The following RAG1 variants were observed in gnomAD, a reference collection of about 807,000 sequenced individuals.
RAG1 encodes the protein V(D)J recombination-activating protein 1.
In RAG1, 35 loss-of-function variants were observed where a neutral mutation model predicts 62.7. The observed-to-expected ratio is 0.56, with a 90% confidence interval of 0.43 to 0.74. The LOEUF is 0.74. Among genes scored for constraint, RAG1 ranks in the 30% least tolerant of loss-of-function variants. The probability of loss-of-function intolerance (pLI) is 0.00; values close to 1 mark genes in which losing one functional copy is unlikely to be tolerated. For missense variants in RAG1, 1,169 were observed against 1,278.6 expected, an observed-to-expected ratio of 0.91 and a Z score of 1.31; for synonymous variants, 461 against 470.3, an observed-to-expected ratio of 0.98 and a Z score of 0.26.
At chr11:36,510,744 G>T (rs1859906310) in exon 1 of RAG1, 1 of 152,250 alleles carries the variant, frequency 6.6e-6, no homozygotes, top group Admixed American at 6.5e-5. Context: ...GTCCAAGGGA[G>T]TCAGCCCTTG....
intron 1 of RAG1, among the ~76,000 whole-genome samples, chr11:36,570,992 T>C (rs1446472745): frequency 1.3e-5 from 2 of 152,356 alleles, no homozygotes; most frequent in Non-Finnish European, 2.9e-5. Context: ...CTTTGTGGAT[T>C]GTTTACTTTG....
At chr11:36,541,942 T>G (rs144636681) in intron 3 of RAG1, among the ~76,000 whole-genome samples, 22 of 152,216 alleles carry the variant, frequency 1.4e-4, no homozygotes, top group African/African-American at 5.1e-4. Flanking sequence ...GGGAAGATTG[T>G]GACCCCATAG....
downstream of RAG1, among the ~76,000 whole-genome samples, chr11:36,538,565 A>AT (rs1316697147): frequency 6.6e-6 from 1 of 152,206 alleles, no homozygotes; most frequent in African/African-American, 2.4e-5. Context: ...GGTAAAACAA[A>AT]TACATGTTCA....
chr11:36,538,930 T>G (rs983324053), downstream of RAG1, among the ~76,000 whole-genome samples: 2 of 152,186 alleles, frequency 1.3e-5, no homozygotes, highest in African/African-American at 4.8e-5. Context: ...AATTCAATCA[T>G]TAATGCACTT....
At chr11:36,567,853 C>G (rs1219969686), upstream of RAG1, among the ~76,000 whole-genome samples, 1 of 152,220 alleles carries the variant, frequency 6.6e-6, no homozygotes, top group Non-Finnish European at 1.5e-5. Flanking sequence ...CACTCAGGCC[C>G]CCCTGAGCTA....
Position 36,541,993 on chromosome 11 carries a change from AGGGGAT to A in RAG1, c.-412+5960_-412+5965del, listed in dbSNP as rs759059754. Among the ~76,000 whole-genome samples, 62 of 152,186 alleles carry A rather than the reference AGGGGAT, an allele frequency of 4.1e-4. 1 individual carries two copies. In the Middle Eastern group the frequency reaches 0.01, roughly 25 times the overall value. On this transcript the variant is annotated intron_variant and NMD_transcript_variant, in intron 3 of 9. Transcript: ENST00000534663. The stretch of plus-strand genomic sequence containing the variant: ...GAGCAGTGGGAGGGACCTGCGCACT[AGGGGAT>A]AAATTGCTTGTTGAAACTGTGCTGG...
intron 3 of RAG1, among the ~76,000 whole-genome samples, chr11:36,558,856 T>G (rs1257535096): frequency 1.3e-5 from 2 of 152,232 alleles, no homozygotes; most frequent in African/African-American, 4.8e-5. Flanking sequence ...CTTTATCTCT[T>G]ACTGTTTATC....
At chr11:36,566,085 G>T (rs1850657632), upstream of RAG1, among the ~76,000 whole-genome samples, 1 of 152,032 alleles carries the variant, frequency 6.6e-6, no homozygotes, top group Admixed American at 6.6e-5. Flanking sequence ...GATTTGAAGA[G>T]AGAGAGAGAG....
chr11:36,576,473 A>C lies in RAG1; in HGVS notation c.*37A>C. On this transcript the variant is annotated 3_prime_UTR_variant, in exon 2 of 2. Transcript: ENST00000299440. ...ACTTATGAGTTGGTTTTTGCAATTG[A>C]GTTTCCCTCTGGGTTGCATTGAGGG... 6.2e-7 allele frequency: 1 copy of C among 1,611,960 alleles called. No individual in the cohort carries two copies. Among genetic ancestry groups the C allele is most frequent in the African/African-American group, 1.3e-5 (1 of 74,984 alleles).
intron 3 of RAG1, among the ~76,000 whole-genome samples, chr11:36,543,443 G>A (rs1251224220): frequency 6.6e-6 from 1 of 152,208 alleles, no homozygotes; most frequent in Non-Finnish European, 1.5e-5. Context: ...TGTGGGGTTT[G>A]CTCACTTTTC....
intron 2 of RAG1, among the ~76,000 whole-genome samples, chr11:36,530,732 G>A (rs1758671682): frequency 6.6e-6 from 1 of 151,776 alleles, no homozygotes; most frequent in South Asian, 2.1e-4. Flanking sequence ...GTTTCTTTAT[G>A]GTTTTTCTTG....
In RAG1 at chr11:36,574,300, A is replaced by T. The variant is rs1428825905; in HGVS notation, c.996A>T (p.Arg332=). The T allele has an allele frequency of 6.8e-6, 11 of 1,614,054 alleles. No homozygotes were observed. Among genetic ancestry groups the T allele is most frequent in the Non-Finnish European group, 9.3e-6 (11 of 1,180,036 alleles). The stretch of plus-strand genomic sequence containing the variant: ...TGGGCAGCTATTGTCCCTCTTGCCG[A>T]TATCCATGCTTCCCTACTGACCTGG... ...KVMGSYCPSC[R]YPCFPTDLES... The change falls in exon 2 of 2, where the codon CGA becomes CGT. Residue 332 remains arginine (R), a synonymous_variant. Transcript: ENST00000299440.
rs1183454717 is a variant in RAG1 at position 36,575,573 on chromosome 11, C to G, written c.2269C>G (p.Leu757Val). 6.2e-7 allele frequency: 1 copy of G among 1,614,220 alleles called. No individual in the cohort carries two copies. The change falls in exon 2 of 2, where the codon CTG becomes GTG. Residue 757 changes from leucine (L) to valine (V), a missense_variant. By Grantham distance (32) the Leu-to-Val change is conservative. This residue lies in a region of RAG1 where 800 missense variants were observed against 943.3 expected (regional missense o/e 0.85). Coordinates refer to ENST00000299440, the MANE Select transcript of RAG1 (RefSeq NM_000448.3). The surrounding 1 kb of genome is among the most constrained non-coding windows in gnomAD (Gnocchi z 4.1). Reference protein sequence around the residue: ...HSITRSHAENLERYEVWRSNP... With the variant: ...HSITRSHAENVERYEVWRSNP... ...TATAACCAGAAGCCATGCTGAGAAC[C>G]TGGAACGTTATGAGGTCTGGCGTTC... is the stretch of plus-strand genomic sequence containing the variant.
rs1279641012 is a variant in RAG1, at chr11:36,574,419, A to G, written c.1115A>G (p.Tyr372Cys). The change falls in exon 2 of 2, where the codon TAT becomes TGT. Residue 372 changes from tyrosine (Y) to cysteine (C), a missense_variant. Tyr to Cys is a radical substitution (Grantham distance 194, BLOSUM62 -2). This residue lies in a region of RAG1 where 800 missense variants were observed against 943.3 expected (regional missense o/e 0.85). Coordinates refer to ENST00000299440, the MANE Select transcript of RAG1 (RefSeq NM_000448.3). ...AATGAGGAGGTCAGTTTGGAAAAAT[A>G]TAATCACCACATCTCAAGTCACAAG... ...ECNEEVSLEK[Y>C]NHHISSHKES... 1.9e-6 allele frequency: 3 copies of G among 1,614,250 alleles called. No homozygotes were observed. Among genetic ancestry groups the G allele is most frequent in the Admixed American group, 1.7e-5 (1 of 60,034 alleles).
chr11:36,538,391 TGCTA>T (rs1471245871), downstream of RAG1, among the ~76,000 whole-genome samples: 1 of 152,168 alleles, frequency 6.6e-6, no homozygotes, highest in African/African-American at 2.4e-5. Flanking sequence ...GAAAAGGCAA[TGCTA>T]GCTTTCTTTC....
chr11:36,536,618 G>A (rs1237717449), downstream of RAG1, among the ~76,000 whole-genome samples: 1 of 72,066 alleles, frequency 1.4e-5, no homozygotes, highest in Non-Finnish European at 2.8e-5. Flanking sequence ...ATACTTCAAA[G>A]TTTTTTAAAA....
At chr11:36,523,710 A>G (rs1396748139) in intron 2 of RAG1, among the ~76,000 whole-genome samples, 3 of 152,196 alleles carry the variant, frequency 2.0e-5, no homozygotes, top group African/African-American at 7.2e-5. Flanking sequence ...CAAGTTCACA[A>G]TTGCATTTGC....
At position 36,518,526 on chromosome 11, in the gene RAG1, C is replaced by T. The variant is rs186006350; in HGVS notation, n.331-1606C>T. On this transcript the variant is annotated intron_variant and non_coding_transcript_variant, in intron 1 of 2. Transcript: ENST00000529126. ...TGTTGTTTCCTGACTTTTTAATGAT[C>T]GCCATTCTAACAGGTGTGAGATGGT... Among the ~76,000 whole-genome samples the T allele has an allele frequency of 8.3e-3, 1,258 of 152,176 alleles. 9 individuals are homozygous for T. Among genetic ancestry groups the T allele is most frequent in the South Asian group, 0.02 (98 of 4,824 alleles).
At position 36,574,128 on chromosome 11, in the gene RAG1, G is replaced by A. The variant is rs368607209; in HGVS notation, c.824G>A (p.Ser275Asn). Residue 275 changes from serine to asparagine, a missense_variant, in exon 2 of 2, where the codon AGT (serine) becomes AAT (asparagine). Physicochemically the swap from Ser to Asn is conservative, Grantham distance 46 (BLOSUM62 1). Transcript: ENST00000299440. ...KIANCSKIHLSTKLLAVDFPE... is the reference protein window; with the variant it reads ...KIANCSKIHLNTKLLAVDFPE... ...GCCAACTGCAGTAAGATACATCTTA[G>A]TACCAAGCTCCTTGCAGTGGACTTC... The A allele has an allele frequency of 1.5e-4, 237 of 1,614,100 alleles. No individual in the cohort carries two copies. The highest frequency in any genetic ancestry group is 2.0e-4 in the Non-Finnish European group (232 of 1,180,052).
Sources: gnomAD v4.1 joint callset for allele counts (sites outside exome capture counted in the v4.1 genomes callset) on GRCh38, gnomAD v4.1.1 for gene constraint, gnomAD v4.1.1 regional missense constraint, Gnocchi (gnomAD v3.1) non-coding constraint, MANE v1.5 for transcripts, NCBI Gene and HGNC (gene_info 2026-07-23, HGNC 2026-07-21) for gene names.